TRHDE: variants seen among roughly 807,000 people sequenced by gnomAD.
TRHDE encodes the protein thyrotropin-releasing hormone-degrading ectoenzyme.
A neutral mutation model predicts 125.7 loss-of-function variants in TRHDE; 72 were observed. The ratio of observed to expected loss-of-function variants is 0.57; its 90% CI spans 0.47 to 0.70. The LOEUF (loss-of-function observed/expected upper bound fraction) is 0.70. Among genes scored for constraint, TRHDE ranks in the 30% least tolerant of loss-of-function variants. The pLI is 0.00. For synonymous variants in TRHDE, 509 were observed against 509.1 expected, an observed-to-expected ratio of 1.00 and a Z score of 0.00; for missense variants, 1,110 against 1,327.1, an observed-to-expected ratio of 0.84 and a Z score of 2.54.
chr12:72,209,150 G>A (rs990159609), intron 2 of TRHDE, among the ~76,000 whole-genome samples: 7 of 152,158 alleles, frequency 4.6e-5, no homozygotes, highest in African/African-American at 1.7e-4. Flanking sequence ...GCTGTACCCT[G>A]CCATGACAGG....
intron 1 of TRHDE, chr12:72,274,672 G>C (rs1297556316): frequency 6.6e-6 from 1 of 152,236 alleles, no homozygotes; most frequent in East Asian, 1.9e-4. Context: ...AGATCACCAA[G>C]AGTGAGCAGA....
intron 3 of TRHDE, among the ~76,000 whole-genome samples, chr12:72,404,439 C>CA (rs1189571968): frequency 1.3e-5 from 2 of 151,806 alleles, no homozygotes; most frequent in Non-Finnish European, 1.5e-5. Flanking sequence ...GATTCTGTCT[C>CA]AAAAAACAAA....
At chr12:72,566,419 A>G (rs1870448491) in intron 9 of TRHDE, among the ~76,000 whole-genome samples, 3 of 151,880 alleles carry the variant, frequency 2.0e-5, no homozygotes, top group Non-Finnish European at 4.4e-5. Flanking sequence ...CCTTATAGTT[A>G]ACTTGTATCT....
intron 2 of TRHDE, among the ~76,000 whole-genome samples, chr12:72,222,912 C>A (rs1216910750): frequency 2.0e-5 from 3 of 152,070 alleles, no homozygotes; most frequent in Non-Finnish European, 4.4e-5. Flanking sequence ...TGCCATCTGA[C>A]CCCTTAAAAA....
chr12:72,464,145 T>A (rs1212918502), intron 3 of TRHDE, among the ~76,000 whole-genome samples: 1 of 152,218 alleles, frequency 6.6e-6, no homozygotes, highest in African/African-American at 2.4e-5. Flanking sequence ...GGCAGCCTAC[T>A]ACAAGATGCT....
intron 3 of TRHDE, 81 bp from the exon 4 acceptor site, chr12:72,469,677 T>C: frequency 1.4e-6 from 2 of 1,463,202 alleles, no homozygotes; most frequent in Non-Finnish European, 1.9e-6. Flanking sequence ...ATAATTAGGA[T>C]TTCTGGACAC....
intron 3 of TRHDE, among the ~76,000 whole-genome samples, chr12:72,469,456 T>C (rs1020120413): frequency 6.6e-6 from 1 of 152,206 alleles, no homozygotes; most frequent in Non-Finnish European, 1.5e-5. Flanking sequence ...CTGCTGCATG[T>C]GGTTTCCTTG....
intron 7 of TRHDE, among the ~76,000 whole-genome samples, chr12:72,543,465 G>A (rs1869255033): frequency 6.6e-6 from 1 of 151,412 alleles, no homozygotes; most frequent in South Asian, 2.1e-4. Context: ...TCTATTTGCT[G>A]TATGTTAACA....
intron 2 of TRHDE, chr12:72,256,250 C>T (rs931747561): frequency 1.3e-5 from 2 of 152,176 alleles, no homozygotes; most frequent in Non-Finnish European, 2.9e-5. Context: ...TTTTTCCAAC[C>T]CCACCTACTT....
At chr12:72,150,963 G>C (rs1876347915) in intron 2 of TRHDE, among the ~76,000 whole-genome samples, 2 of 152,188 alleles carry the variant, frequency 1.3e-5, no homozygotes, top group South Asian at 4.1e-4. Flanking sequence ...AGATCCCTGA[G>C]GAATCGCCAC....
intron 2 of TRHDE, among the ~76,000 whole-genome samples, chr12:72,293,258 A>C (rs1415926617): frequency 6.6e-6 from 1 of 151,792 alleles, no homozygotes; most frequent in Non-Finnish European, 1.5e-5. Context: ...GTTCTTTGTC[A>C]GATTCATAGT....
chr12:72,640,658 A>C lies in TRHDE; in HGVS notation c.2676-11664A>C, dbSNP rs1044492183. 3.3e-5 allele frequency among the ~76,000 whole-genome samples: 5 copies of C among 151,968 alleles called. No homozygotes were observed. In the South Asian group the frequency reaches 6.2e-4, roughly 19 times the overall value. Reference sequence around the variant, plus strand: ...TCTAAGTCTTAAAGTAATAAGGTTCACGCATCAATGCAGAAATCACCCGTC... The same window carrying C: ...TCTAAGTCTTAAAGTAATAAGGTTCCCGCATCAATGCAGAAATCACCCGTC... On this transcript the variant is annotated intron_variant, in intron 15 of 18. Coordinates refer to ENST00000261180, the MANE Select transcript of TRHDE (RefSeq NM_013381.3).
chr12:72,499,405 A>G, intron 5 of TRHDE, 93 bp from the exon 6 acceptor site: 1 of 1,458,480 alleles, frequency 6.9e-7, no homozygotes, highest in Non-Finnish European at 9.3e-7. Flanking sequence ...GATGAACATC[A>G]GCAATTAAGT....
intron 18 of TRHDE, among the ~76,000 whole-genome samples, chr12:72,659,894 A>G (rs1481237509): frequency 2.0e-5 from 3 of 152,152 alleles, no homozygotes; most frequent in Admixed American, 6.6e-5. Flanking sequence ...TGCGGAGACA[A>G]GAGATTGTAA....
chr12:72,441,211 G>A (rs1239202898), intron 3 of TRHDE, among the ~76,000 whole-genome samples: 1 of 151,330 alleles, frequency 6.6e-6, no homozygotes, highest in Non-Finnish European at 1.5e-5. Flanking sequence ...TTTTATTTTT[G>A]CTGGTGTTTT....
chr12:72,515,971 T>G lies in TRHDE; in HGVS notation c.1722+16336T>G, dbSNP rs1027390507. Among the ~76,000 whole-genome samples the G allele has an allele frequency of 9.3e-5, 13 of 139,546 alleles. 1 individual carries two copies. Among genetic ancestry groups the G allele is most frequent in the Non-Finnish European group, 1.6e-4 (11 of 66,698 alleles). The allele number at this position is 139,546 out of a possible 152,430, so 91.5% of individuals were successfully genotyped here. On this transcript the variant is annotated intron_variant, in intron 6 of 18. Transcript: ENST00000261180. ...AGTTGTAGATATGTGGCGCTATTTCTGAGGGCTCTGTTCTGTTCCATTGAT... is the reference window on the plus strand; with the variant it reads ...AGTTGTAGATATGTGGCGCTATTTCGGAGGGCTCTGTTCTGTTCCATTGAT...
chr12:72,272,619 C>T lies in TRHDE; in HGVS notation c.-25C>T. The T allele has an allele frequency of 1.1e-6, 1 of 881,504 alleles. No homozygotes were observed. Among genetic ancestry groups the T allele is most frequent in the Non-Finnish European group, 1.6e-6 (1 of 608,862 alleles). 54.6% of individuals were successfully genotyped at this position (881,504 alleles called of 1,614,324 possible). A position where few individuals can be genotyped will look rare whatever the true frequency, so the allele number is the denominator to read the frequency against. Reference sequence around the variant, plus strand: ...CGCCCGCGGGGGGTGCCAGAGGGGGCGGGGGAGGAGGAGGAGGCGGTGTGA... The same window carrying T: ...CGCCCGCGGGGGGTGCCAGAGGGGGTGGGGGAGGAGGAGGAGGCGGTGTGA... On this transcript the variant is annotated 5_prime_UTR_variant, in exon 1 of 19. Transcript: ENST00000261180. The surrounding 1 kb of genome is among the most constrained non-coding windows in gnomAD (Gnocchi z 6.7).
intron 2 of TRHDE, among the ~76,000 whole-genome samples, chr12:72,179,679 TGACCTC>T (rs995842353): frequency 2.6e-5 from 4 of 152,154 alleles, no homozygotes; most frequent in African/African-American, 9.6e-5. Flanking sequence ...TTTTTGCTTT[TGACCTC>T]ATATTATAGC....
At chr12:72,305,181 G>A (rs900838787) in intron 2 of TRHDE, among the ~76,000 whole-genome samples, 3 of 152,066 alleles carry the variant, frequency 2.0e-5, no homozygotes, top group Non-Finnish European at 4.4e-5. Context: ...TTATTTAAAA[G>A]TATTAAAATC....
Sources: allele counts gnomAD v4.1 joint callset (sites outside exome capture counted in the v4.1 genomes callset), GRCh38; gene constraint gnomAD v4.1.1; non-coding constraint Gnocchi (gnomAD v3.1); transcripts MANE v1.5; gene names NCBI Gene and HGNC (gene_info 2026-07-23, HGNC 2026-07-21).